LHFPL6: variants seen among roughly 807,000 people sequenced by gnomAD.
The protein encoded by LHFPL6 is LHFPL tetraspan subfamily member 6 protein.
In LHFPL6, 9 loss-of-function variants were observed where a neutral mutation model predicts 20.6. The observed-to-expected ratio is 0.44, with a 90% CI of 0.26 to 0.76. The LOEUF (loss-of-function observed/expected upper bound fraction) is 0.76, where lower values mean the gene tolerates loss of function less well. Among genes scored for constraint, LHFPL6 ranks in the 30% least tolerant of loss-of-function variants. The pLI, the probability that LHFPL6 is intolerant of heterozygous loss-of-function variation, is 0.20. For missense variants in LHFPL6, 218 were observed against 253.5 expected (o/e 0.86, Z 0.95); for synonymous variants, 105 against 98.7 (o/e 1.06, Z -0.38).
At chr13:39,496,414 T>C (rs1193191916) in intron 2 of LHFPL6, among the ~76,000 whole-genome samples, 1 of 152,138 alleles carries the variant, frequency 6.6e-6, no homozygotes, top group Non-Finnish European at 1.5e-5. Context: ...TTTCTATATA[T>C]GAATGGAGAG....
chr13:39,494,810 G>T (rs139843288), intron 2 of LHFPL6, among the ~76,000 whole-genome samples: 1 of 152,158 alleles, frequency 6.6e-6, no homozygotes, highest in African/African-American at 2.4e-5. Flanking sequence ...GAATAGAATT[G>T]TGCCGTGCCA....
intron 2 of LHFPL6, among the ~76,000 whole-genome samples, chr13:39,511,898 C>G (rs1341076697): frequency 6.6e-6 from 1 of 152,190 alleles, no homozygotes; most frequent in South Asian, 2.1e-4. Context: ...TCCATTGTAG[C>G]TTCCTATCAT....
chr13:39,390,937 C>T (rs768824599), intron 2 of LHFPL6, among the ~76,000 whole-genome samples: 9 of 152,280 alleles, frequency 5.9e-5, no homozygotes, highest in Non-Finnish European at 1.3e-4. Flanking sequence ...GTGGAGGTTG[C>T]AGTGAGCTGA....
intron 2 of LHFPL6, among the ~76,000 whole-genome samples, chr13:39,486,387 G>A (rs1192833418): frequency 6.6e-6 from 1 of 152,138 alleles, no homozygotes; most frequent in Admixed American, 6.6e-5. Flanking sequence ...AACAGTATAG[G>A]CTGGGTCAGC....
intron 3 of LHFPL6, among the ~76,000 whole-genome samples, chr13:39,357,997 A>G (rs1869772666): frequency 6.6e-6 from 1 of 152,134 alleles, no homozygotes; most frequent in Admixed American, 6.5e-5. Flanking sequence ...TACTGCTCAG[A>G]GCAACCTATC....
intron 2 of LHFPL6, among the ~76,000 whole-genome samples, chr13:39,595,494 T>C (rs1265379843): frequency 6.6e-6 from 1 of 152,170 alleles, no homozygotes; most frequent in African/African-American, 2.4e-5. Flanking sequence ...GGTTTTGTCA[T>C]GTTGGGCAGG....
chr13:39,598,155 C>T (rs990321273), intron 2 of LHFPL6, among the ~76,000 whole-genome samples: 17 of 152,276 alleles, frequency 1.1e-4, no homozygotes, highest in Admixed American at 3.3e-4. Context: ...GGCATTCTGC[C>T]GAGTCTTTAT....
rs537844363 is a variant in LHFPL6, at chr13:39,531,016, A to C, written c.385+69816T>G. Among the ~76,000 whole-genome samples the C allele has an allele frequency of 3.3e-5, 5 of 152,136 alleles. No homozygotes were observed. The South Asian group carries it at 8.3e-4, about 25-fold the overall frequency. On this transcript the variant is annotated intron_variant, in intron 2 of 3. Coordinates refer to ENST00000379589, the MANE Select transcript of LHFPL6 (RefSeq NM_005780.3). ...AAGAATTGTAACAAAGGTGACATTC[A>C]TGAGGTGTCTACACTAATACAAGCA...
chr13:39,472,526 T>C (rs1413419429), intron 2 of LHFPL6, among the ~76,000 whole-genome samples: 1 of 152,144 alleles, frequency 6.6e-6, no homozygotes, highest in East Asian at 1.9e-4. Flanking sequence ...CTGGGGAATA[T>C]GCCCGGGTTC....
At chr13:39,511,391 C>T (rs1869699903) in intron 2 of LHFPL6, among the ~76,000 whole-genome samples, 1 of 151,658 alleles carries the variant, frequency 6.6e-6, no homozygotes, top group African/African-American at 2.4e-5. Context: ...AACATATTTC[C>T]TCCCATTTTG....
chr13:39,436,088 A>G (rs986173697), intron 2 of LHFPL6, among the ~76,000 whole-genome samples: 2 of 152,042 alleles, frequency 1.3e-5, no homozygotes, highest in East Asian at 1.9e-4. Context: ...GTAAATATCA[A>G]TAGTATAAAC....
chr13:39,591,424 G>T (rs1223220693), intron 2 of LHFPL6, among the ~76,000 whole-genome samples: 1 of 152,016 alleles, frequency 6.6e-6, no homozygotes, highest in Non-Finnish European at 1.5e-5. Flanking sequence ...ATCACCTAAG[G>T]TCAGCAAGCA....
At chr13:39,396,006 A>AT (rs1870831070) in intron 2 of LHFPL6, among the ~76,000 whole-genome samples, 1 of 152,236 alleles carries the variant, frequency 6.6e-6, no homozygotes, top group Non-Finnish European at 1.5e-5. Context: ...TGTGTGCCTT[A>AT]AAGCTGCCTG....
chr13:39,359,146 G>T (rs1869810805), intron 3 of LHFPL6, among the ~76,000 whole-genome samples: 1 of 152,188 alleles, frequency 6.6e-6, no homozygotes, highest in Admixed American at 6.5e-5. Context: ...CGGTAACAGA[G>T]TGAGACTCTG....
chr13:39,578,051 G>A (rs949805573), intron 2 of LHFPL6, among the ~76,000 whole-genome samples: 5 of 152,150 alleles, frequency 3.3e-5, no homozygotes, highest in Non-Finnish European at 5.9e-5. Flanking sequence ...GAAAAGACAC[G>A]TTATCCATCA....
chr13:39,376,859 T>C (rs970631833), intron 3 of LHFPL6, among the ~76,000 whole-genome samples: 2 of 152,186 alleles, frequency 1.3e-5, no homozygotes, highest in African/African-American at 4.8e-5. Context: ...CACTTGGCAA[T>C]GATGGGCTTC....
intron 2 of LHFPL6, among the ~76,000 whole-genome samples, chr13:39,404,432 G>A (rs934913886): frequency 5.9e-5 from 9 of 151,984 alleles, no homozygotes; most frequent in Non-Finnish European, 1.2e-4. Context: ...TTCAGGTCTC[G>A]GCCTAAATCA....
chr13:39,591,911 C>A (rs531395205), intron 2 of LHFPL6, among the ~76,000 whole-genome samples: 111 of 152,214 alleles, frequency 7.3e-4, no homozygotes, highest in African/African-American at 2.6e-3. Flanking sequence ...GCCTGGCCAA[C>A]AAGGTGAAAC....
chr13:39,382,852 A>C (rs1007538348), intron 2 of LHFPL6, among the ~76,000 whole-genome samples: 30 of 152,302 alleles, frequency 2.0e-4, no homozygotes, highest in African/African-American at 6.7e-4. Context: ...TTTTATATTA[A>C]TATTTATGTA....
Sources: allele counts gnomAD v4.1 joint callset (sites outside exome capture counted in the v4.1 genomes callset), GRCh38; gene constraint gnomAD v4.1.1; transcripts MANE v1.5; gene names NCBI Gene and HGNC (gene_info 2026-07-23, HGNC 2026-07-21).